The following SYNDIG1L variants were observed in gnomAD, a reference collection of about 807,000 sequenced individuals.
The protein encoded by SYNDIG1L is synapse differentiation inducing 1 like.
Under a neutral mutation model 20.1 loss-of-function variants are expected in SYNDIG1L, and 13 were observed. The observed-to-expected ratio is 0.65, with a 90% CI of 0.42 to 1.03. The LOEUF is 1.03. Among genes scored for constraint, SYNDIG1L ranks in the 50% least tolerant of loss-of-function variants. The pLI is 0.00. For synonymous variants in SYNDIG1L, 128 were observed against 129.3 expected (o/e 0.99, Z 0.07); for missense variants, 294 against 305.1 (o/e 0.96, Z 0.27).
chr14:74,478,539 G>A, the SYNDIG1L span, among the ~76,000 whole-genome samples: 3 of 152,190 alleles, frequency 2.0e-5, no homozygotes, highest in African/African-American at 7.2e-5. Flanking sequence ...TGTGAGTCCT[G>A]TCTTCTTTTA....
the SYNDIG1L span, among the ~76,000 whole-genome samples, chr14:74,439,105 ACT>A: frequency 3.1e-4 from 42 of 136,822 alleles, no homozygotes; most frequent in Admixed American, 3.0e-3. Flanking sequence ...CAAGAGCGAA[ACT>A]CTGTCTCAAA....
chr14:74,448,068 C>T, the SYNDIG1L span, among the ~76,000 whole-genome samples: 3 of 151,752 alleles, frequency 2.0e-5, no homozygotes, highest in Non-Finnish European at 4.4e-5. Context: ...TTAATTAAGT[C>T]TAAAGAAGGC....
At chr14:74,412,940 C>A (rs141595808) in intron 1 of SYNDIG1L, among the ~76,000 whole-genome samples, 1 of 152,272 alleles carries the variant, frequency 6.6e-6, no homozygotes, top group African/African-American at 2.4e-5. Context: ...CATGCAGGGG[C>A]CTTGGGGTGG....
the SYNDIG1L span, among the ~76,000 whole-genome samples, chr14:74,461,376 A>G: frequency 0.035 from 5,355 of 152,258 alleles, 335 homozygotes; most frequent in African/African-American, 0.12. Context: ...TTCTCAGTGG[A>G]TAACATCACG....
intron 1 of SYNDIG1L, among the ~76,000 whole-genome samples, chr14:74,412,457 T>G (rs2086139141): frequency 6.6e-6 from 1 of 152,172 alleles, no homozygotes. Context: ...CCTCTCAGTT[T>G]CCCCAGTGAG....
the SYNDIG1L span, among the ~76,000 whole-genome samples, chr14:74,432,199 G>A: frequency 2.4e-4 from 37 of 151,278 alleles, no homozygotes; most frequent in Non-Finnish European, 8.8e-5. Context: ...GAGAGAGAGA[G>A]AAAGGGAGAA....
At chr14:74,479,884 T>C in the SYNDIG1L span, 31 of 969,768 alleles carry the variant, frequency 3.2e-5, no homozygotes, top group Non-Finnish European at 4.0e-5. Flanking sequence ...GGGCCTGCCT[T>C]CCATGGTTCT....
At chr14:74,422,138 C>G (rs1368294186) in intron 1 of SYNDIG1L, among the ~76,000 whole-genome samples, 1 of 152,202 alleles carries the variant, frequency 6.6e-6, no homozygotes, top group Non-Finnish European at 1.5e-5. Context: ...AAGCAAACAG[C>G]ACATCTAATG....
At chr14:74,470,186 A>AG in the SYNDIG1L span, among the ~76,000 whole-genome samples, 1 of 152,082 alleles carries the variant, frequency 6.6e-6, no homozygotes, top group African/African-American at 2.4e-5. Flanking sequence ...TTTAAAAAAA[A>AG]AAAAAATTGC....
In SYNDIG1L at chr14:74,409,324, T is replaced by C; in HGVS notation, c.417+4A>G. On this transcript the variant is annotated splice_donor_region_variant and intron_variant, in intron 2 of 3. Coordinates refer to ENST00000331628, the MANE Select transcript of SYNDIG1L (RefSeq NM_001105579.2). ...GAATCTGCATTTTAACCTCATGCAC[T>C]CACCTCCTCTTCCTCCTGGTCATCC... 6.5e-7 allele frequency: 1 copy of C among 1,527,826 alleles called. No individual in the cohort carries two copies. The highest frequency in any genetic ancestry group is 2.4e-5 in the East Asian group (1 of 42,242). 94.6% of individuals were successfully genotyped at this position (1,527,826 alleles called of 1,614,324 possible). A position where few individuals can be genotyped will look rare whatever the true frequency, so the allele number is the denominator to read the frequency against.
chr14:74,412,028 A>G (rs1461260624), intron 1 of SYNDIG1L, among the ~76,000 whole-genome samples: 1 of 152,220 alleles, frequency 6.6e-6, no homozygotes, highest in African/African-American at 2.4e-5. Flanking sequence ...GTCTCTCCAC[A>G]GGCAGAGATA....
At chr14:74,480,133 C>A in the SYNDIG1L span, 2 of 1,580,414 alleles carry the variant, frequency 1.3e-6, no homozygotes, top group Non-Finnish European at 1.7e-6. Context: ...AGCTCAGTTT[C>A]TGCTACAGAG....
At chr14:74,435,012 G>A in the SYNDIG1L span, among the ~76,000 whole-genome samples, 7 of 144,204 alleles carry the variant, frequency 4.9e-5, no homozygotes, top group Non-Finnish European at 1.0e-4. Context: ...GAACCCAGGA[G>A]ACGGAGCTTG....
the SYNDIG1L span, among the ~76,000 whole-genome samples, chr14:74,477,039 AACACACACAC>A: frequency 6.7e-3 from 652 of 97,020 alleles, 14 homozygotes; most frequent in African/African-American, 0.021. Context: ...CCCCATTCCC[AACACACACAC>A]ACACACACAC....
At position 74,407,433 on chromosome 14, in the gene SYNDIG1L, G is replaced by T; in HGVS notation, c.*102C>A. 1 of 1,522,664 alleles carries T rather than the reference G, an allele frequency of 6.6e-7. No homozygotes were observed. Among genetic ancestry groups the T allele is most frequent in the Non-Finnish European group, 8.9e-7 (1 of 1,121,240 alleles). 94.3% of individuals were successfully genotyped at this position (1,522,664 alleles called of 1,614,324 possible). A position where few individuals can be genotyped will look rare whatever the true frequency, so the allele number is the denominator to read the frequency against. On this transcript the variant is annotated 3_prime_UTR_variant, in exon 4 of 4. Transcript: ENST00000331628. ...TCCCCCTCAGCAAGCCACTCTCACG[G>T]GATCATCTTCAGGGGCCGGGCCTTT...
At chr14:74,478,352 A>C in the SYNDIG1L span, among the ~76,000 whole-genome samples, 52 of 152,256 alleles carry the variant, frequency 3.4e-4, no homozygotes, top group Non-Finnish European at 6.9e-4. Flanking sequence ...ACAGTATTAA[A>C]ACATTGTTTC....
chr14:74,429,341 G>T (rs2086287717), upstream of SYNDIG1L, among the ~76,000 whole-genome samples: 1 of 152,222 alleles, frequency 6.6e-6, no homozygotes, highest in Admixed American at 6.5e-5. Context: ...ACCCTAGAGG[G>T]TTCTGTTTTA....
chr14:74,433,934 T>C, the SYNDIG1L span, among the ~76,000 whole-genome samples: 3 of 152,118 alleles, frequency 2.0e-5, no homozygotes, highest in African/African-American at 7.2e-5. Context: ...CATATATAAA[T>C]GTCCAAAAAA....
the SYNDIG1L span, chr14:74,476,519 T>G: frequency 6.5e-7 from 1 of 1,535,584 alleles, no homozygotes; most frequent in Non-Finnish European, 8.7e-7. Context: ...GCTCTTAGTC[T>G]CCATTTGCAA....
Sources: allele counts gnomAD v4.1 joint callset (sites outside exome capture counted in the v4.1 genomes callset), GRCh38; gene constraint gnomAD v4.1.1; transcripts MANE v1.5; gene names NCBI Gene and HGNC (gene_info 2026-07-23, HGNC 2026-07-21).